Variants in TRIOBP observed in about 807,000 individuals in gnomAD.
TRIOBP encodes TRIO and F-actin binding protein.
Under a neutral mutation model 238.8 loss-of-function variants are expected in TRIOBP, and 169 were observed. That is an observed-to-expected ratio of 0.71 (90% CI 0.62 to 0.80). The LOEUF is 0.80. Among genes scored for constraint, TRIOBP ranks in the 30% least tolerant of loss-of-function variants. The pLI, the probability that TRIOBP is intolerant of heterozygous loss-of-function variation, is 0.00. For missense variants in TRIOBP, 2,838 were observed against 3,122.6 expected (o/e 0.91, Z 2.17); for synonymous variants, 1,150 against 1,274.4 (o/e 0.90, Z 2.08).
intron 11 of TRIOBP, among the ~76,000 whole-genome samples, chr22:37,745,762 T>G (rs1050053306): frequency 6.6e-6 from 1 of 152,186 alleles, no homozygotes; most frequent in Non-Finnish European, 1.5e-5. Context: ...AATCGACTCT[T>G]GGCGAGTGGG....
intron 7 of TRIOBP, among the ~76,000 whole-genome samples, chr22:37,729,336 C>T (rs1601635720): frequency 6.6e-6 from 1 of 152,202 alleles, no homozygotes; most frequent in East Asian, 1.9e-4. Context: ...TCACCTCAGC[C>T]TCCTCAGTAG....
In TRIOBP at chr22:37,725,406, C is replaced by T; in HGVS notation, c.2850C>T (p.Ser950=). 6.2e-7 allele frequency: 1 copy of T among 1,610,648 alleles called. No individual in the cohort carries two copies. Among genetic ancestry groups the T allele is most frequent in the Non-Finnish European group, 8.5e-7 (1 of 1,177,774 alleles). ...RPTQGDRPQT[S]SPSRPAQHDP... ...CCCAAGGTGACAGGCCTCAGACATC[C>T]TCTCCCAGCAGGCCAGCCCAGCATG... The change falls in exon 7 of 24, where the codon TCC becomes TCT. Residue 950 remains serine (S), a synonymous_variant. Coordinates refer to ENST00000644935, the MANE Select transcript of TRIOBP (RefSeq NM_001039141.3).
At chr22:37,771,563 G>A in intron 21 of TRIOBP, 87 bp from the exon 22 acceptor site, 1 of 1,207,964 alleles carries the variant, frequency 8.3e-7, no homozygotes, top group East Asian at 2.3e-5. Context: ...AGGGGCCTGA[G>A]GCAGAGAGAA....
chr22:37,765,721 A>G lies in TRIOBP; in HGVS notation c.6376A>G (p.Met2126Val). 1.3e-6 allele frequency: 2 copies of G among 1,560,726 alleles called. No homozygotes were observed. Residue 2126 changes from methionine to valine, a missense_variant, in exon 18 of 24, where the codon ATG becomes GTG. Coordinates refer to ENST00000644935, the MANE Select transcript of TRIOBP (RefSeq NM_001039141.3). ...AEMESSHQQV[M>V]EELQRHHERE... ...GATGGAGTCCTCGCACCAGCAGGTGATGGAGGAGCTGCAGCGGCACCACGA... is the reference window on the plus strand; with the variant it reads ...GATGGAGTCCTCGCACCAGCAGGTGGTGGAGGAGCTGCAGCGGCACCACGA...
chr22:37,773,323 A>T lies in TRIOBP; in HGVS notation c.*3-460A>T, dbSNP rs556711691. ...AGCCTCAACCTCCTAGGCTCAAGGG[A>T]TCCTCCCACCTCAGCCTTCTGAGTA... On this transcript the variant is annotated intron_variant, in intron 23 of 23. Transcript: ENST00000644935. Among the ~76,000 whole-genome samples the T allele has an allele frequency of 2.0e-5, 3 of 151,962 alleles. No individual in the cohort carries two copies. In the South Asian group the frequency reaches 6.2e-4, roughly 32 times the overall value.
intron 7 of TRIOBP, among the ~76,000 whole-genome samples, chr22:37,732,386 C>T (rs1924467593): frequency 6.6e-6 from 1 of 151,764 alleles, no homozygotes; most frequent in African/African-American, 2.4e-5. Flanking sequence ...TGGCTCATGC[C>T]TGTAATCCCA....
intron 21 of TRIOBP, among the ~76,000 whole-genome samples, chr22:37,770,046 C>CTTTT (rs1162956733): frequency 7.3e-6 from 1 of 136,108 alleles, no homozygotes; most frequent in Non-Finnish European, 1.6e-5. Flanking sequence ...TATTTCTTTA[C>CTTTT]TTTTTTTTTT....
intron 12 of TRIOBP, among the ~76,000 whole-genome samples, chr22:37,754,455 G>A (rs1210030839): frequency 6.6e-6 from 1 of 150,948 alleles, no homozygotes; most frequent in East Asian, 1.9e-4. Flanking sequence ...ATTGTGGCTG[G>A]CACTCACTCC....
At chr22:37,758,682 TA>T (rs563727998) in intron 16 of TRIOBP, among the ~76,000 whole-genome samples, 89 of 124,816 alleles carry the variant, frequency 7.1e-4, no homozygotes, top group Admixed American at 6.9e-4. Context: ...TGTCTCAGAT[TA>T]AAAAAAAAAA....
At chr22:37,734,297 T>C in intron 8 of TRIOBP, 102 bp from the exon 9 acceptor site, 1 of 1,123,926 alleles carries the variant, frequency 8.9e-7, no homozygotes, top group South Asian at 1.3e-5. Context: ...TTCAGGCTGC[T>C]GTGTGGACAC....
intron 17 of TRIOBP, among the ~76,000 whole-genome samples, chr22:37,760,544 T>C (rs1926189759): frequency 6.6e-6 from 1 of 152,206 alleles, no homozygotes; most frequent in Admixed American, 6.5e-5. Context: ...AATTTGAGTA[T>C]CTATTGCCTT....
At chr22:37,705,565 T>G (rs936529535) in intron 3 of TRIOBP, among the ~76,000 whole-genome samples, 3 of 151,574 alleles carry the variant, frequency 2.0e-5, no homozygotes, top group Non-Finnish European at 4.4e-5. Flanking sequence ...ATTCTGAGGT[T>G]TTTTTCTGTT....
chr22:37,768,806 T>TAA (rs561787977), intron 19 of TRIOBP, among the ~76,000 whole-genome samples: 3 of 132,688 alleles, frequency 2.3e-5, no homozygotes, highest in African/African-American at 2.8e-5. Context: ...AGACTCCATC[T>TAA]AAAAAAAAAA....
intron 11 of TRIOBP, among the ~76,000 whole-genome samples, chr22:37,741,686 G>T (rs1924943150): frequency 6.6e-6 from 1 of 152,212 alleles, no homozygotes; most frequent in South Asian, 2.1e-4. Flanking sequence ...CAGAGACAGT[G>T]TGCCCATTTT....
chr22:37,730,892 A>G (rs1356930116), intron 7 of TRIOBP, among the ~76,000 whole-genome samples: 1 of 147,650 alleles, frequency 6.8e-6, no homozygotes, highest in Non-Finnish European at 1.5e-5. Context: ...GGTTGCAGTG[A>G]GCTGAGATTG....
At position 37,724,921 on chromosome 22, in the gene TRIOBP, G is replaced by A; in HGVS notation, c.2365G>A (p.Asp789Asn). The change falls in exon 7 of 24, where the codon GAC (aspartate) becomes AAC (asparagine). Residue 789 changes from aspartate (D) to asparagine (N), a missense_variant. Transcript: ENST00000644935. ...RTSSPNRATR[D>N]NPRTSCAQRD... is the part of the protein sequence containing the mutation. Reference sequence around the variant, plus strand: ...CTCCTCTCCCAATAGAGCCACACGAGACAACCCCAGAACATCCTGTGCCCA... The same window carrying A: ...CTCCTCTCCCAATAGAGCCACACGAAACAACCCCAGAACATCCTGTGCCCA... The A allele has an allele frequency of 1.9e-6, 3 of 1,613,166 alleles. No homozygotes were observed. The highest frequency in any genetic ancestry group is 2.5e-6 in the Non-Finnish European group (3 of 1,179,854).
intron 17 of TRIOBP, among the ~76,000 whole-genome samples, chr22:37,761,936 G>A (rs1048256751): frequency 6.6e-5 from 10 of 151,342 alleles, no homozygotes; most frequent in African/African-American, 2.2e-4. Context: ...GAGGGCCTCC[G>A]AGGCCCCCAG....
chr22:37,754,298 C>A (rs753601233), intron 12 of TRIOBP, among the ~76,000 whole-genome samples: 23 of 151,680 alleles, frequency 1.5e-4, no homozygotes, highest in Non-Finnish European at 2.9e-4. Context: ...GTAATCCCAG[C>A]TACTCGGGAG....
At chr22:37,728,680 A>G (rs1422119064) in intron 7 of TRIOBP, among the ~76,000 whole-genome samples, 2 of 152,134 alleles carry the variant, frequency 1.3e-5, no homozygotes, top group Non-Finnish European at 2.9e-5. Context: ...GCTTGTTTCC[A>G]GCTCCTGGCC....
Sources: gnomAD v4.1 joint callset for allele counts (sites outside exome capture counted in the v4.1 genomes callset) on GRCh38, gnomAD v4.1.1 for gene constraint, MANE v1.5 for transcripts, NCBI Gene and HGNC (gene_info 2026-07-23, HGNC 2026-07-21) for gene names.